TLE5: variants seen among roughly 807,000 people sequenced by gnomAD.
TLE5 encodes TLE family member 5, transcriptional modulator, also known as TLE family member 5.
In TLE5, 7 loss-of-function variants were observed where a neutral mutation model predicts 25.8. The ratio of observed to expected loss-of-function variants is 0.27; its 90% CI spans 0.15 to 0.51. TLE5 has a LOEUF of 0.51. Ranked by LOEUF, TLE5 falls within the 20% of genes least tolerant of loss-of-function variation. The pLI is 0.97. For synonymous variants in TLE5, 132 were observed against 110.5 expected (o/e 1.20, Z -1.22); for missense variants, 149 against 250.7 (o/e 0.59, Z 2.74).
chr19:3,059,399 G>C (rs1311873864), intron 2 of TLE5, among the ~76,000 whole-genome samples: 1 of 152,164 alleles, frequency 6.6e-6, no homozygotes, highest in Non-Finnish European at 1.5e-5. Flanking sequence ...GTGCACGCCT[G>C]TAATCCCAGC....
At chr19:3,056,260 G>GGGAGGAGGGGGAAGGA in intron 4 of TLE5, 52 bp downstream of exon 4, 10 of 1,315,402 alleles carry the variant, frequency 7.6e-6, no homozygotes, top group Non-Finnish European at 1.0e-5. Flanking sequence ...TGGAGGTGGG[G>GGGAGGAGGGGGAAGGA]GGAGGAGGGG....
At chr19:3,061,326 G>C in intron 1 of TLE5, 69 bp from the exon 2 acceptor site, 1 of 1,261,908 alleles carries the variant, frequency 7.9e-7, no homozygotes, top group Non-Finnish European at 1.1e-6. Context: ...CCGGCTAGGA[G>C]GGAGCGGCCG....
intron 6 of TLE5, 33 bp downstream of exon 6, chr19:3,054,087 C>CCGGGGGGG: frequency 6.8e-7 from 1 of 1,476,450 alleles, no homozygotes; most frequent in Non-Finnish European, 9.2e-7. Flanking sequence ...GCCCACCTGT[C>CCGGGGGGG]CCCCGCCCAC....
At chr19:3,061,584 G>T (rs930767528) in intron 1 of TLE5, among the ~76,000 whole-genome samples, 3 of 151,820 alleles carry the variant, frequency 2.0e-5, no homozygotes, top group African/African-American at 7.3e-5. Flanking sequence ...GCACATCCGA[G>T]GGGGGTAGAA....
chr19:3,062,709 G>A (rs1261531172), upstream of TLE5: 14 of 1,512,708 alleles, frequency 9.3e-6, no homozygotes, highest in Non-Finnish European at 1.2e-5. Flanking sequence ...CCCGGCAGCC[G>A]GCCGGGCCTC....
At position 3,057,361 on chromosome 19, in the gene TLE5, T is replaced by C. The variant is rs554984679; in HGVS notation, c.189+318A>G. 7.5e-5 allele frequency: 29 copies of C among 384,218 alleles called. No individual in the cohort carries two copies. In the South Asian group the frequency reaches 7.7e-4, roughly 10 times the overall value. The allele number at this position is 384,218 out of a possible 1,614,324, so 23.8% of individuals were successfully genotyped here. ...GGAGGGACTCGGCTGCTCCCCCACGTCAGTTCCTGGCTGTTGGCTTTCACA... is the reference window on the plus strand; with the variant it reads ...GGAGGGACTCGGCTGCTCCCCCACGCCAGTTCCTGGCTGTTGGCTTTCACA... On this transcript the variant is annotated intron_variant, in intron 3 of 6. Transcript: ENST00000327141.
chr19:3,062,722 T>G, upstream of TLE5: 1 of 1,527,484 alleles, frequency 6.5e-7, no homozygotes, highest in Non-Finnish European at 8.8e-7. Flanking sequence ...CGGGCCTCGG[T>G]TTCCCCATCT....
intron 4 of TLE5, 47 bp downstream of exon 4, chr19:3,056,265 G>A (rs1456909381): frequency 2.2e-6 from 3 of 1,345,084 alleles, no homozygotes; most frequent in African/African-American, 3.0e-5. Flanking sequence ...GTGGGGGGAG[G>A]AGGGGGAAGG....
chr19:3,055,864 T>C (rs2090212663), intron 4 of TLE5, 138 bp from the exon 5 acceptor site: 1 of 936,512 alleles, frequency 1.1e-6, no homozygotes, highest in African/African-American at 1.7e-5. Flanking sequence ...CAGGGTGGGA[T>C]GAGCAAAGCC....
upstream of TLE5, chr19:3,062,651 G>C: frequency 7.6e-7 from 1 of 1,309,130 alleles, no homozygotes; most frequent in Non-Finnish European, 9.7e-7. Context: ...GTGACCTTGG[G>C]CCCGGCCCGC....
intron 1 of TLE5, among the ~76,000 whole-genome samples, chr19:3,061,879 G>C (rs1355496146): frequency 3.6e-3 from 175 of 47,998 alleles, no homozygotes; most frequent in Non-Finnish European, 8.4e-3. Context: ...TGACTGTCCC[G>C]GCGGGTTGGG....
In TLE5 at chr19:3,053,773, G is replaced by C; in HGVS notation, c.*46C>G. 1 of 1,575,856 alleles carries C rather than the reference G, an allele frequency of 6.3e-7. No individual in the cohort carries two copies. Among genetic ancestry groups the C allele is most frequent in the South Asian group, 1.1e-5 (1 of 89,308 alleles). On this transcript the variant is annotated 3_prime_UTR_variant, in exon 7 of 7. Coordinates refer to ENST00000327141, the MANE Select transcript of TLE5 (RefSeq NM_001130.6). Reference sequence around the variant, plus strand: ...AACATTCCTTTCTCTCCGTGCCTCTGTCTCCCCTCTGTCCCCCCTCCCAAC... The same window carrying C: ...AACATTCCTTTCTCTCCGTGCCTCTCTCTCCCCTCTGTCCCCCCTCCCAAC...
chr19:3,053,869 C>T lies in TLE5; in HGVS notation c.544G>A (p.Gly182Arg), dbSNP rs781355237. ...TCCTGGTGGGTGTCACCATCGTGCC[C>T]GTTCTTGTCTTCCTTGGAGAGGTGG... Reference protein sequence around the residue: ...QAHLSKEDKNGHDGDTHQEDD... With the variant: ...QAHLSKEDKNRHDGDTHQEDD... The change falls in exon 7 of 7, where the codon GGG (glycine) becomes AGG (arginine). Residue 182 changes from glycine to arginine, a missense_variant. Gly to Arg is a moderately radical substitution (Grantham distance 125). Coordinates refer to ENST00000327141, the MANE Select transcript of TLE5 (RefSeq NM_001130.6). 5.6e-6 allele frequency: 9 copies of T among 1,613,260 alleles called. No homozygotes were observed. Among genetic ancestry groups the T allele is most frequent in the East Asian group, 2.2e-5 (1 of 44,884 alleles).
rs1482613683 is a variant in TLE5, at chr19:3,057,547, G to A, written c.189+132C>T. 3.5e-6 allele frequency: 3 copies of A among 854,216 alleles called. No individual in the cohort carries two copies. In the East Asian group the frequency reaches 7.8e-5, roughly 22 times the overall value. The allele number at this position is 854,216 out of a possible 1,614,324, so 52.9% of individuals were successfully genotyped here. On this transcript the variant is annotated intron_variant, in intron 3 of 6. Transcript: ENST00000327141. ...GCCCAGCAGGGGCCGGCTGAATGGA[G>A]AACAGGCCCCGATCCTCGCGCTTCC...
Position 3,056,310 on chromosome 19 carries a change from A to C in TLE5, c.234+2T>G, listed in dbSNP as rs1599269788. On this transcript the variant is annotated splice_donor_variant, in intron 4 of 6. Transcript: ENST00000327141. LOFTEE classifies it high-confidence loss of function. ...AGGAGGAGGAGGAGGAGATGGGCGTACCTGTTTGTGCATCTCGATGTTCAA... is the reference window on the plus strand; with the variant it reads ...AGGAGGAGGAGGAGGAGATGGGCGTCCCTGTTTGTGCATCTCGATGTTCAA... The C allele has an allele frequency of 7.0e-7, 1 of 1,430,008 alleles. No homozygotes were observed. The highest frequency in any genetic ancestry group is 9.3e-7 in the Non-Finnish European group (1 of 1,076,516). 88.6% of individuals were successfully genotyped at this position (1,430,008 alleles called of 1,614,324 possible). A position where few individuals can be genotyped will look rare whatever the true frequency, so the allele number is the denominator to read the frequency against.
At chr19:3,055,994 G>A (rs528281862) in intron 4 of TLE5, 6 of 516,156 alleles carry the variant, frequency 1.2e-5, no homozygotes, top group South Asian at 5.9e-5. Context: ...CTCGGGGGTC[G>A]GCCACTCAGG....
rs149691353 is a variant in TLE5, at chr19:3,061,182, G to A, written c.103C>T (p.Leu35=). The stretch of plus-strand genomic sequence containing the variant: ...CACCTGTGGTACTGAGCTTGCAGTA[G>A]CTGAAATTCGTCTTTGATGCGGTCG... ...SCDRIKDEFQ[L]LQAQYHSLKL... is the part of the protein sequence containing the mutation. Residue 35 remains leucine (L), a synonymous_variant, in exon 2 of 7, where the codon CTA becomes TTA. Coordinates refer to ENST00000327141, the MANE Select transcript of TLE5 (RefSeq NM_001130.6). 3,078 of 1,613,612 alleles carry A rather than the reference G, an allele frequency of 1.9e-3. 4 individuals are homozygous for A. Among genetic ancestry groups the A allele is most frequent in the Non-Finnish European group, 2.4e-3 (2,889 of 1,179,622 alleles).
chr19:3,054,701 T>C (rs445208), intron 5 of TLE5: 70,872 of 163,282 alleles, frequency 0.43, 16,572 homozygotes, highest in African/African-American at 0.53. Context: ...GGGAATGGGC[T>C]CAGATTCAGG....
intron 5 of TLE5, chr19:3,054,613 T>G: frequency 5.5e-6 from 1 of 181,346 alleles, no homozygotes. Context: ...TCCAAGACTG[T>G]GCCCTGAGTC....
Sources: allele counts gnomAD v4.1 joint callset (sites outside exome capture counted in the v4.1 genomes callset), GRCh38; gene constraint gnomAD v4.1.1; transcripts MANE v1.5; gene names NCBI Gene and HGNC (gene_info 2026-07-23, HGNC 2026-07-21).